The following MSRB3 variants were observed in gnomAD, a reference collection of about 807,000 sequenced individuals.
The protein encoded by MSRB3 is methionine sulfoxide reductase B3, also known as methionine-R-sulfoxide reductase B3.
Under a neutral mutation model 21.0 loss-of-function variants are expected in MSRB3, and 13 were observed. That is an observed-to-expected ratio of 0.62 (90% CI 0.40 to 0.98). The LOEUF (loss-of-function observed/expected upper bound fraction) is 0.98, where lower values mean the gene tolerates loss of function less well. MSRB3 is among the 50% of genes least tolerant of loss of function. The probability of loss-of-function intolerance (pLI) is 0.00; values close to 1 mark genes in which losing one functional copy is unlikely to be tolerated. For missense variants in MSRB3, 199 were observed against 230.3 expected (o/e 0.86, Z 0.88); for synonymous variants, 87 against 88.6 (o/e 0.98, Z 0.10).
At chr12:65,300,595 T>G (rs1565821329) in intron 1 of MSRB3, among the ~76,000 whole-genome samples, 2 of 152,172 alleles carry the variant, frequency 1.3e-5, no homozygotes. Flanking sequence ...GCTCCATAAT[T>G]TACTGGCCAT....
intron 5 of MSRB3, among the ~76,000 whole-genome samples, chr12:65,391,245 C>CCTT (rs1879466224): frequency 6.6e-6 from 1 of 152,146 alleles, no homozygotes; most frequent in Non-Finnish European, 1.5e-5. Context: ...TCATCTCAAG[C>CCTT]TAAGAGGAGG....
At chr12:65,334,168 C>A (rs975891306) in intron 4 of MSRB3, among the ~76,000 whole-genome samples, 2 of 152,148 alleles carry the variant, frequency 1.3e-5, no homozygotes, top group East Asian at 3.8e-4. Flanking sequence ...ATTCAGCAGG[C>A]CTTCCACTGA....
At chr12:65,445,199 G>T (rs929041759) in intron 5 of MSRB3, among the ~76,000 whole-genome samples, 1 of 151,996 alleles carries the variant, frequency 6.6e-6, no homozygotes, top group African/African-American at 2.4e-5. Flanking sequence ...AGTAAACTTT[G>T]CTCTCTTGAT....
intron 1 of MSRB3, among the ~76,000 whole-genome samples, chr12:65,292,124 C>T (rs1438173242): frequency 6.6e-6 from 1 of 152,164 alleles, no homozygotes; most frequent in African/African-American, 2.4e-5. Context: ...TTGGTTGAAG[C>T]CACTAATGGT....
intron 4 of MSRB3, among the ~76,000 whole-genome samples, chr12:65,348,694 A>G (rs1358044084): frequency 1.1e-4 from 16 of 151,994 alleles, no homozygotes; most frequent in African/African-American, 3.9e-4. Context: ...GTCAATTTTA[A>G]ATCCTTCCTG....
chr12:65,462,613 T>C (rs1883379864), intron 6 of MSRB3, among the ~76,000 whole-genome samples: 1 of 152,236 alleles, frequency 6.6e-6, no homozygotes, highest in African/African-American at 2.4e-5. Flanking sequence ...CCCTGGTGAC[T>C]GTGACATAAA....
chr12:65,384,478 G>T (rs12322799), intron 5 of MSRB3, among the ~76,000 whole-genome samples: 2,219 of 152,196 alleles, frequency 0.015, 51 homozygotes, highest in African/African-American at 0.05. Context: ...AAATAACTTA[G>T]CAGGGCAATC....
chr12:65,281,178 G>A (rs765622025), intron 1 of MSRB3, among the ~76,000 whole-genome samples: 13 of 152,186 alleles, frequency 8.5e-5, no homozygotes, highest in East Asian at 5.8e-4. Context: ...GTGGTAAGCC[G>A]TGATCACACC....
At chr12:65,337,841 G>A (rs947917553) in intron 4 of MSRB3, among the ~76,000 whole-genome samples, 6 of 152,092 alleles carry the variant, frequency 3.9e-5, no homozygotes, top group African/African-American at 1.4e-4. Flanking sequence ...ATATTTTAGT[G>A]TGGATTTTAA....
chr12:65,421,621 GCTAAA>G (rs1881301234), intron 5 of MSRB3, among the ~76,000 whole-genome samples: 1 of 152,084 alleles, frequency 6.6e-6, no homozygotes, highest in Admixed American at 6.5e-5. Context: ...TTTATATCCA[GCTAAA>G]CTAAGCTTCT....
At chr12:65,309,793 G>A (rs1018084271) in intron 2 of MSRB3, among the ~76,000 whole-genome samples, 3 of 152,080 alleles carry the variant, frequency 2.0e-5, no homozygotes, top group African/African-American at 7.2e-5. Flanking sequence ...GGAGTAGCAT[G>A]GGAAAACATG....
intron 5 of MSRB3, among the ~76,000 whole-genome samples, chr12:65,383,233 C>T (rs565185094): frequency 6.6e-6 from 1 of 152,262 alleles, no homozygotes; most frequent in Non-Finnish European, 1.5e-5. Context: ...TGATCACACA[C>T]TCTGATTGAG....
chr12:65,393,852 T>C (rs1011167410), intron 5 of MSRB3, among the ~76,000 whole-genome samples: 15 of 152,096 alleles, frequency 9.9e-5, no homozygotes, highest in African/African-American at 3.4e-4. Context: ...ATGTGGGTAC[T>C]TCTAGATTCT....
intron 5 of MSRB3, among the ~76,000 whole-genome samples, chr12:65,433,852 T>C (rs1881997103): frequency 6.6e-6 from 1 of 151,900 alleles, no homozygotes; most frequent in African/African-American, 2.4e-5. Context: ...GACGACCCAT[T>C]CCACTTGTAT....
At chr12:65,317,310 C>T (rs1874364125) in intron 2 of MSRB3, among the ~76,000 whole-genome samples, 1 of 152,164 alleles carries the variant, frequency 6.6e-6, no homozygotes. Flanking sequence ...ATTTTACCAT[C>T]TTGGTAATCT....
At chr12:65,435,905 A>G (rs555625517) in intron 5 of MSRB3, among the ~76,000 whole-genome samples, 8 of 151,978 alleles carry the variant, frequency 5.3e-5, no homozygotes, top group Non-Finnish European at 8.8e-5. Flanking sequence ...CATTTTTTCA[A>G]TAATAGATGT....
At chr12:65,432,928 A>G (rs1018179397) in intron 5 of MSRB3, among the ~76,000 whole-genome samples, 3 of 152,056 alleles carry the variant, frequency 2.0e-5, no homozygotes, top group African/African-American at 7.2e-5. Context: ...CTCATTAAAA[A>G]TATATTCTGA....
At chr12:65,454,730 T>C (rs1000071574) in intron 6 of MSRB3, among the ~76,000 whole-genome samples, 1 of 152,234 alleles carries the variant, frequency 6.6e-6, no homozygotes, top group Non-Finnish European at 1.5e-5. Context: ...TAATTAGTTC[T>C]GTCCATCTGC....
chr12:65,328,731 C>G, intron 4 of MSRB3, 128 bp downstream of exon 4: 1 of 715,756 alleles, frequency 1.4e-6, no homozygotes, highest in Non-Finnish European at 2.5e-6. Context: ...TCCATTTACC[C>G]CCAACAAAAC....
Sources: allele counts gnomAD v4.1 joint callset (sites outside exome capture counted in the v4.1 genomes callset), GRCh38; gene constraint gnomAD v4.1.1; transcripts MANE v1.5; gene names NCBI Gene and HGNC (gene_info 2026-07-23, HGNC 2026-07-21).